MYH2: variants seen among roughly 807,000 people sequenced by gnomAD.
MYH2 encodes the protein myosin heavy chain 2.
Under a neutral mutation model 228.1 loss-of-function variants are expected in MYH2, and 139 were observed. The observed-to-expected ratio is 0.61, with a 90% CI of 0.53 to 0.70. The LOEUF (loss-of-function observed/expected upper bound fraction) is 0.70. MYH2 is among the 30% of genes least tolerant of loss of function. The pLI, the probability that MYH2 is intolerant of heterozygous loss-of-function variation, is 0.00. For missense variants in MYH2, 1,809 were observed against 2,357.5 expected, an observed-to-expected ratio of 0.77 and a Z score of 4.82; for synonymous variants, 796 against 871.1, an observed-to-expected ratio of 0.91 and a Z score of 1.52.
Position 10,544,281 on chromosome 17 carries a change from A to G in MYH2, c.506-154T>C, listed in dbSNP as rs1220942654. On this transcript the variant is annotated intron_variant, in intron 5 of 39. Transcript: ENST00000245503. ...AGACCTACCACTTTCTCCCTCCCCA[A>G]CTTTAGCACACATCCACCCATTTAA... 6.6e-5 allele frequency among the ~76,000 whole-genome samples: 10 copies of G among 152,116 alleles called. 2 individuals carry two copies. The highest frequency in any genetic ancestry group is 5.2e-4 in the Admixed American group (8 of 15,248).
chr17:10,545,271 G>A lies in MYH2; in HGVS notation c.505+75C>T, dbSNP rs2073612607. ...GGGACGATCTCAAGGAATGTGTTGA[G>A]ATTGCCTCGAGTCTCTTTCTCCTAT... On this transcript the variant is annotated intron_variant, in intron 5 of 39. Coordinates refer to ENST00000245503, the MANE Select transcript of MYH2 (RefSeq NM_017534.6). 1.2e-5 allele frequency: 19 copies of A among 1,610,204 alleles called. 1 individual carries two copies. The South Asian group carries it at 1.8e-4, about 15-fold the overall frequency.
intron 28 of MYH2, among the ~76,000 whole-genome samples, chr17:10,527,352 G>A (rs1158730022): frequency 6.6e-6 from 1 of 152,206 alleles, no homozygotes; most frequent in Non-Finnish European, 1.5e-5. Context: ...AAGCTAAAAT[G>A]TCTAATTCTA....
rs754737116 is a variant in MYH2 at position 10,537,319 on chromosome 17, AGGG to A, written c.1808_1810del (p.Pro603del). On this transcript the variant is annotated inframe_deletion, in exon 16 of 40. Transcript: ENST00000245503. The surrounding 1 kb of genome is among the most constrained non-coding windows in gnomAD (Gnocchi z 4.0). ...GTACAGTCCAACCACGGTCTCATTC[AGGG>A]GGTCCTTGTTCTTCTCCAGCCAGCC... is the stretch of plus-strand genomic sequence containing the variant. 4.3e-6 allele frequency: 7 copies of A among 1,614,074 alleles called. No individual in the cohort carries two copies.
chr17:10,524,407 C>T lies in MYH2; in HGVS notation c.5175+59G>A, dbSNP rs2073321941. 4 of 1,608,596 alleles carry T rather than the reference C, an allele frequency of 2.5e-6. No homozygotes were observed. In the East Asian group the frequency reaches 8.9e-5, roughly 36 times the overall value. The stretch of plus-strand genomic sequence containing the variant: ...TCTAGCTGTCTTATGAAAACTCAGG[C>T]TTATCTATTCTGGGACATATAAAAT... On this transcript the variant is annotated intron_variant, in intron 35 of 39. Transcript: ENST00000245503. This position sits in a 1 kb window ranked among gnomAD's most constrained non-coding sequence, Gnocchi z 4.7.
Position 10,525,958 on chromosome 17 carries a change from A to T in MYH2, c.4188-82T>A. On this transcript the variant is annotated intron_variant, in intron 30 of 39. Coordinates refer to ENST00000245503, the MANE Select transcript of MYH2 (RefSeq NM_017534.6). This position sits in a 1 kb window ranked among gnomAD's most constrained non-coding sequence, Gnocchi z 4.2. Reference sequence around the variant, plus strand: ...ATTGCCACACACGCTGAAGAGTGTTAGAAACTTCACATTAATGCTGCCCAG... The same window carrying T: ...ATTGCCACACACGCTGAAGAGTGTTTGAAACTTCACATTAATGCTGCCCAG... 6.9e-7 allele frequency: 1 copy of T among 1,455,404 alleles called. No individual in the cohort carries two copies. Among genetic ancestry groups the T allele is most frequent in the Non-Finnish European group, 9.5e-7 (1 of 1,057,184 alleles). The allele number at this position is 1,455,404 out of a possible 1,614,324, so 90.2% of individuals were successfully genotyped here.
In MYH2 at chr17:10,530,062, A is replaced by G; in HGVS notation, c.2710T>C (p.Leu904=). 6 of 1,614,250 alleles carry G rather than the reference A, an allele frequency of 3.7e-6. No homozygotes were observed. Among genetic ancestry groups the G allele is most frequent in the Non-Finnish European group, 5.1e-6 (6 of 1,180,046 alleles). Residue 904 remains leucine (L), a synonymous_variant, in exon 23 of 40, where the codon TTG becomes CTG. Coordinates refer to ENST00000245503, the MANE Select transcript of MYH2 (RefSeq NM_017534.6). ...TCACACCTTTCCTCTGCATCAGCCA[A>G]GCCTTCGGCTTCCTTAAGTTGGAAA... The part of the protein sequence containing the change: ...QLQVQAEAEG[L]ADAEERCDQL...
chr17:10,539,316 G>A lies in MYH2; in HGVS notation c.1305C>T (p.Tyr435=), dbSNP rs539415599. The change falls in exon 14 of 40, where the codon TAC becomes TAT. Residue 435 remains tyrosine (Y), a synonymous_variant. Coordinates refer to ENST00000245503, the MANE Select transcript of MYH2 (RefSeq NM_017534.6). ...CAACCATCCACAGGAACATCTTCTC[G>A]TAGACGGCTTTGGCCAGAGCACCTA... ...NAVGALAKAV[Y]EKMFLWMVAR... is the part of the protein sequence containing the mutation. 9.5e-5 allele frequency: 153 copies of A among 1,614,174 alleles called. No homozygotes were observed. The highest frequency in any genetic ancestry group is 9.3e-4 in the Admixed American group (56 of 60,020).
chr17:10,531,951 G>A, intron 21 of MYH2, 63 bp from the exon 22 acceptor site: 11 of 1,594,530 alleles, frequency 6.9e-6, no homozygotes, highest in South Asian at 1.1e-5. Context: ...AACCTTGGCA[G>A]TGAGAGTTGG....
Position 10,526,737 on chromosome 17 carries a change from C to G in MYH2, c.4049G>C (p.Arg1350Pro). The G allele has an allele frequency of 2.5e-6, 4 of 1,614,202 alleles. No homozygotes were observed. Among genetic ancestry groups the G allele is most frequent in the Non-Finnish European group, 3.4e-6 (4 of 1,180,026 alleles). Residue 1350 changes from arginine to proline, a missense_variant, in exon 30 of 40, where the codon CGG becomes CCG. Arg to Pro is a moderately radical substitution (Grantham distance 103, BLOSUM62 -2). Around this residue, in one of 9 missense-constraint regions of MYH2, gnomAD observed 636 missense variants for 729.9 expected, o/e 0.87. Coordinates refer to ENST00000245503, the MANE Select transcript of MYH2 (RefSeq NM_017534.6). ...QSSRHDCDLL[R>P]EQYEEEQESK... ...TTCCTGCTCCTCCTCATACTGTTCC[C>G]GCAGCAGGTCACAGTCGTGGCGGGA... is the stretch of plus-strand genomic sequence containing the variant.
chr17:10,533,160 C>T, intron 21 of MYH2, 125 bp downstream of exon 21: 1 of 1,399,156 alleles, frequency 7.1e-7, no homozygotes, highest in Non-Finnish European at 1.0e-6. Context: ...TGTGTATTCC[C>T]ACTTCATTAT....
In MYH2 at chr17:10,525,969, A is replaced by G; in HGVS notation, c.4188-93T>C. 2.2e-6 allele frequency: 3 copies of G among 1,365,414 alleles called. No homozygotes were observed. In the South Asian group the frequency reaches 3.8e-5, roughly 17 times the overall value. The allele number at this position is 1,365,414 out of a possible 1,614,324, so 84.6% of individuals were successfully genotyped here. ...CGCTGAAGAGTGTTAGAAACTTCAC[A>G]TTAATGCTGCCCAGCCACCTTTCAT... is the stretch of plus-strand genomic sequence containing the variant. On this transcript the variant is annotated intron_variant, in intron 30 of 39. Transcript: ENST00000245503. The surrounding 1 kb of genome is among the most constrained non-coding windows in gnomAD (Gnocchi z 4.2).
At position 10,543,762 on chromosome 17, in the gene MYH2, C is replaced by CA. The variant is rs1955475584; in HGVS notation, c.689dup (p.Glu231GlyfsTer12). 1 of 1,614,064 alleles carries CA rather than the reference C, an allele frequency of 6.2e-7. No individual in the cohort carries two copies. The highest frequency in any genetic ancestry group is 1.3e-5 in the African/African-American group (1 of 74,920). On this transcript the variant is annotated frameshift_variant, in exon 8 of 40. Transcript: ENST00000245503. LOFTEE classifies it high-confidence loss of function. ...CGGTCTTGGCGTTGCCAAAGGCCTC[C>CA]AGTAGGGGGTTGGCACTGATGATTT...
At position 10,540,678 on chromosome 17, in the gene MYH2, C is replaced by T. The variant is rs374415748; in HGVS notation, c.924G>A (p.Thr308=). 14 of 1,611,238 alleles carry T rather than the reference C, an allele frequency of 8.7e-6. No homozygotes were observed. The highest frequency in any genetic ancestry group is 1.3e-5 in the African/African-American group (1 of 74,920). The change falls in exon 11 of 40, where the codon ACG becomes ACA. Residue 308 remains threonine (T), a synonymous_variant. Transcript: ENST00000245503. ...TGACAAATGGGTAATCATATGGGTTCGTGGTAATCAGAAGCATTTCTAAGT... is the reference window on the plus strand; with the variant it reads ...TGACAAATGGGTAATCATATGGGTTTGTGGTAATCAGAAGCATTTCTAAGT... ...PELIEMLLIT[T]NPYDYPFVSQ...
In MYH2 at chr17:10,537,569, T is replaced by G; in HGVS notation, c.1588-27A>C. 2 of 1,613,952 alleles carry G rather than the reference T, an allele frequency of 1.2e-6. No homozygotes were observed. The highest frequency in any genetic ancestry group is 1.7e-6 in the Non-Finnish European group (2 of 1,179,972). ...TAAAAAGCAGACCACAACACAAAAT[T>G]GTACTTCTATTTTTTTTTCTGTCTA... is the stretch of plus-strand genomic sequence containing the variant. On this transcript the variant is annotated intron_variant, in intron 15 of 39. Transcript: ENST00000245503. The surrounding 1 kb of genome is among the most constrained non-coding windows in gnomAD (Gnocchi z 4.0).
intron 24 of MYH2, 36 bp downstream of exon 24, chr17:10,529,528 A>T (rs960142280): frequency 1.9e-6 from 3 of 1,614,214 alleles, no homozygotes; most frequent in Non-Finnish European, 2.5e-6. Flanking sequence ...ATCTTCCTTT[A>T]GAAGAAAAGA....
rs373993606 is a variant in MYH2, at chr17:10,525,200, T to A, written c.4662+24A>T. On this transcript the variant is annotated intron_variant, in intron 33 of 39. Coordinates refer to ENST00000245503, the MANE Select transcript of MYH2 (RefSeq NM_017534.6). This position sits in a 1 kb window ranked among gnomAD's most constrained non-coding sequence, Gnocchi z 4.2. The stretch of plus-strand genomic sequence containing the variant: ...TACCTAATTATTTTCCAGATTTTTT[T>A]ATAATGCACAATTTTACATGTACCT... The A allele has an allele frequency of 1.1e-5, 17 of 1,613,940 alleles. No homozygotes were observed. In the African/African-American group the frequency reaches 1.6e-4, roughly 15 times the overall value.
Position 10,529,564 on chromosome 17 carries a change from A to C in MYH2, c.3117T>G (p.Asp1039Glu). 2.5e-6 allele frequency: 4 copies of C among 1,614,206 alleles called. 1 individual carries two copies. In the East Asian group the frequency reaches 6.7e-5, roughly 27 times the overall value. Residue 1039 changes from aspartate to glutamate, a missense_variant and splice_region_variant, in exon 24 of 40, where the codon GAT becomes GAG. Physicochemically the swap from Asp to Glu is conservative, Grantham distance 45 (BLOSUM62 2). This residue lies in a region of MYH2 where 636 missense variants were observed against 729.9 expected (regional missense o/e 0.87). Coordinates refer to ENST00000245503, the MANE Select transcript of MYH2 (RefSeq NM_017534.6). ...ATGTCCTTGATGATACCAGACTTAC[A>C]TCATCCACTTGTTGTTCAAGTTTGA... ...AKIKLEQQVD[D>E]LEGSLEQEKK... is the part of the protein sequence containing the mutation.
At position 10,540,581 on chromosome 17, in the gene MYH2, G is replaced by A; in HGVS notation, c.1008+13C>T. On this transcript the variant is annotated intron_variant, in intron 11 of 39. Transcript: ENST00000245503. ...CCACCATAATAATTCCAATTTTCTT[G>A]TGTTCTACTTACATCTGTGGCCATC... 5.1e-6 allele frequency: 8 copies of A among 1,580,146 alleles called. No homozygotes were observed. The highest frequency in any genetic ancestry group is 7.0e-6 in the Non-Finnish European group (8 of 1,149,210).
At position 10,545,454 on chromosome 17, in the gene MYH2, G is replaced by GGGTAT; in HGVS notation, c.396_397insATACC (p.Pro133IlefsTer10). 1 of 1,614,200 alleles carries GGGTAT rather than the reference G, an allele frequency of 6.2e-7. No individual in the cohort carries two copies. Among genetic ancestry groups the GGGTAT allele is most frequent in the Non-Finnish European group, 8.5e-7 (1 of 1,180,022 alleles). ...GTCACCACCTCGGGCTTATACACAG[G>GGGTAT]CAGCCACTTGTAGGGGTTGACAGTG... is the stretch of plus-strand genomic sequence containing the variant. On this transcript the variant is annotated frameshift_variant, in exon 5 of 40. Coordinates refer to ENST00000245503, the MANE Select transcript of MYH2 (RefSeq NM_017534.6). LOFTEE classifies it high-confidence loss of function.
Sources: gnomAD v4.1 joint callset for allele counts (sites outside exome capture counted in the v4.1 genomes callset) on GRCh38, gnomAD v4.1.1 for gene constraint, gnomAD v4.1.1 regional missense constraint, Gnocchi (gnomAD v3.1) non-coding constraint, MANE v1.5 for transcripts, NCBI Gene and HGNC (gene_info 2026-07-23, HGNC 2026-07-21) for gene names.